RHOQ: variants seen among roughly 807,000 people sequenced by gnomAD.
The protein encoded by RHOQ is ras homolog family member Q.
RHOQ carries 7 observed loss-of-function variants against 25.8 expected under a neutral mutation model. That is an observed-to-expected ratio of 0.27 (90% confidence interval 0.15 to 0.51). The LOEUF (loss-of-function observed/expected upper bound fraction) is 0.51. Ranked by LOEUF, RHOQ falls within the 20% of genes least tolerant of loss-of-function variation. The probability of loss-of-function intolerance (pLI) is 0.97; values close to 1 mark genes in which losing one functional copy is unlikely to be tolerated. For synonymous variants in RHOQ, 97 were observed against 98.6 expected, an observed-to-expected ratio of 0.98 and a Z score of 0.10; for missense variants, 165 against 260.6, an observed-to-expected ratio of 0.63 and a Z score of 2.53.
At chr2:46,575,183 T>C (rs1427132503) in intron 2 of RHOQ, among the ~76,000 whole-genome samples, 1 of 152,086 alleles carries the variant, frequency 6.6e-6, no homozygotes, top group Admixed American at 6.6e-5. Flanking sequence ...CGTATTCTGA[T>C]TTAGAAAGAT....
intron 2 of RHOQ, among the ~76,000 whole-genome samples, chr2:46,567,293 A>G (rs1461772177): frequency 6.6e-6 from 1 of 152,146 alleles, no homozygotes; most frequent in Non-Finnish European, 1.5e-5. Flanking sequence ...TAACATAGTT[A>G]TTTTTTATTA....
intron 1 of RHOQ, 144 bp downstream of exon 1, chr2:46,543,332 C>G (rs1005547158): frequency 4.6e-6 from 4 of 860,866 alleles, no homozygotes; most frequent in Non-Finnish European, 7.3e-6. Flanking sequence ...CCGGCCCCAC[C>G]CCCGAAGCTT....
rs1432561857 is a variant in RHOQ, at chr2:46,552,917, A to T, written c.201+9105A>T. ...ATGCTAGTAAGAGTTAAGTTGAGTA[A>T]GGTTGTTTCCACGAAAGTTGTTTTT... On this transcript the variant is annotated intron_variant, in intron 2 of 4. Coordinates refer to ENST00000238738, the MANE Select transcript of RHOQ (RefSeq NM_012249.4). The surrounding 1 kb of genome is among the most constrained non-coding windows in gnomAD (Gnocchi z 5.0). 6.6e-6 allele frequency among the ~76,000 whole-genome samples: 1 copy of T among 152,206 alleles called. No homozygotes were observed. The highest frequency in any genetic ancestry group is 1.5e-5 in the Non-Finnish European group (1 of 68,034).
In RHOQ at chr2:46,569,813, G is replaced by C; in HGVS notation, c.202-6274G>C. 6.6e-6 allele frequency among the ~76,000 whole-genome samples: 1 copy of C among 152,092 alleles called. No individual in the cohort carries two copies. Among genetic ancestry groups the C allele is most frequent in the South Asian group, 2.1e-4 (1 of 4,828 alleles). On this transcript the variant is annotated intron_variant, in intron 2 of 4. Coordinates refer to ENST00000238738, the MANE Select transcript of RHOQ (RefSeq NM_012249.4). This position sits in a 1 kb window ranked among gnomAD's most constrained non-coding sequence, Gnocchi z 4.1. ...ATAAATACCATTTCACAACTGAACT[G>C]AAAATTAAAAAAGAAAAGAAAACAC...
At chr2:46,547,136 A>C (rs1368945388) in intron 2 of RHOQ, among the ~76,000 whole-genome samples, 3 of 152,204 alleles carry the variant, frequency 2.0e-5, no homozygotes, top group African/African-American at 7.2e-5. Context: ...TCAGAGAGTT[A>C]AGATGGAATG....
chr2:46,544,151 G>T (rs1310464871), intron 2 of RHOQ, among the ~76,000 whole-genome samples: 1 of 152,030 alleles, frequency 6.6e-6, no homozygotes, highest in African/African-American at 2.4e-5. Context: ...AGATGACCAG[G>T]TCTCCCCCCC....
intron 2 of RHOQ, among the ~76,000 whole-genome samples, chr2:46,573,435 C>T (rs930561356): frequency 1.3e-5 from 2 of 152,194 alleles, no homozygotes; most frequent in African/African-American, 4.8e-5. Flanking sequence ...TAAGAAGTAA[C>T]ATTTCTTTCC....
intron 2 of RHOQ, chr2:46,568,535 T>C (rs1276170149): frequency 6.6e-6 from 1 of 152,230 alleles, no homozygotes; most frequent in East Asian, 1.9e-4. Context: ...TCACTCTTGC[T>C]ATGCAACAGG....
intron 4 of RHOQ, among the ~76,000 whole-genome samples, chr2:46,579,501 T>C (rs6708589): frequency 5.5e-4 from 84 of 152,268 alleles, no homozygotes; most frequent in African/African-American, 1.7e-3. Context: ...AAAATTAACA[T>C]GTCTAAGATA....
intron 4 of RHOQ, 196 bp from the exon 5 acceptor site, chr2:46,580,732 A>G (rs1346237391): frequency 2.6e-5 from 11 of 418,538 alleles, no homozygotes; most frequent in Non-Finnish European, 4.3e-6. Flanking sequence ...GTGGTGAGTG[A>G]AATAATTTTT....
At chr2:46,579,664 C>T (rs977575894) in intron 4 of RHOQ, among the ~76,000 whole-genome samples, 2 of 152,162 alleles carry the variant, frequency 1.3e-5, no homozygotes, top group Middle Eastern at 3.4e-3. Context: ...CCACCCTGAC[C>T]AACATGGAGA....
chr2:46,577,706 C>T (rs777034423), intron 4 of RHOQ, among the ~76,000 whole-genome samples: 5 of 151,218 alleles, frequency 3.3e-5, no homozygotes, highest in Non-Finnish European at 5.9e-5. Flanking sequence ...TGAGCCACCG[C>T]GCCCGGCCCA....
chr2:46,575,215 GAAC>G (rs1305483667), intron 2 of RHOQ, among the ~76,000 whole-genome samples: 1 of 152,050 alleles, frequency 6.6e-6, no homozygotes, highest in Non-Finnish European at 1.5e-5. Context: ...AGAAAGTGCA[GAAC>G]AACAAGTACT....
intron 2 of RHOQ, among the ~76,000 whole-genome samples, chr2:46,571,970 A>C (rs1406589236): frequency 6.6e-6 from 1 of 152,140 alleles, no homozygotes; most frequent in African/African-American, 2.4e-5. Context: ...CTGCTGGCTG[A>C]GCTGCACACA....
At chr2:46,544,217 T>C (rs1369586252) in intron 2 of RHOQ, among the ~76,000 whole-genome samples, 2 of 152,126 alleles carry the variant, frequency 1.3e-5, no homozygotes, top group Non-Finnish European at 2.9e-5. Context: ...AGGAGCCTGA[T>C]TGGTGGGAAA....
Position 46,572,111 on chromosome 2 carries a change from T to TG in RHOQ, c.202-3976_202-3975insG, listed in dbSNP as rs1668940215. ...CTTATCAGGTGGTAAGTGTGTGTTT[T>TG]TTTTTTTTTTTTTTTTTTTTTTTGA... is the stretch of plus-strand genomic sequence containing the variant. On this transcript the variant is annotated intron_variant, in intron 2 of 4. Coordinates refer to ENST00000238738, the MANE Select transcript of RHOQ (RefSeq NM_012249.4). Among the ~76,000 whole-genome samples, 11 of 128,824 alleles carry TG rather than the reference T, an allele frequency of 8.5e-5. No individual in the cohort carries two copies. In the South Asian group the frequency reaches 2.8e-3, roughly 32 times the overall value. 84.5% of individuals were successfully genotyped at this position (128,824 alleles called of 152,430 possible).
rs759481039 is a variant in RHOQ, at chr2:46,543,187, A to G, written c.141A>G (p.Ala47=). ...TGCCCACCGTCTTCGACCACTACGC[A>G]GGTAAGCCTCGGAACTGCTGACTAA... ...EYVPTVFDHY[A]VSVTVGGKQY... Residue 47 remains alanine (A), a splice_region_variant and synonymous_variant, in exon 1 of 5, where the codon GCA becomes GCG. Transcript: ENST00000238738. 1.2e-6 allele frequency: 2 copies of G among 1,611,630 alleles called. No individual in the cohort carries two copies. Among genetic ancestry groups the G allele is most frequent in the Non-Finnish European group, 1.7e-6 (2 of 1,179,200 alleles).
intron 2 of RHOQ, among the ~76,000 whole-genome samples, chr2:46,554,375 G>T (rs761938649): frequency 5.9e-5 from 9 of 152,144 alleles, no homozygotes; most frequent in Non-Finnish European, 1.0e-4. Flanking sequence ...TGTGGCCTAG[G>T]GCTGTGCGCC....
Position 46,581,591 on chromosome 2 carries a change from C to T in RHOQ, c.*508C>T, listed in dbSNP as rs1325314281. 2 of 1,610,898 alleles carry T rather than the reference C, an allele frequency of 1.2e-6. No homozygotes were observed. The highest frequency in any genetic ancestry group is 1.1e-5 in the South Asian group (1 of 90,898). Reference sequence around the variant, plus strand: ...CCAAGCGTACAGGAGATGGGCCATACCTGAGGAGAGAATGTATGAGATCAA... The same window carrying T: ...CCAAGCGTACAGGAGATGGGCCATATCTGAGGAGAGAATGTATGAGATCAA... On this transcript the variant is annotated 3_prime_UTR_variant, in exon 5 of 5. Transcript: ENST00000238738.
Sources: gnomAD v4.1 joint callset for allele counts (sites outside exome capture counted in the v4.1 genomes callset) on GRCh38, gnomAD v4.1.1 for gene constraint, Gnocchi (gnomAD v3.1) non-coding constraint, MANE v1.5 for transcripts, NCBI Gene and HGNC (gene_info 2026-07-23, HGNC 2026-07-21) for gene names.